CACNA1C: variants seen among roughly 807,000 people sequenced by gnomAD.
CACNA1C encodes calcium voltage-gated channel subunit alpha1 C.
CACNA1C carries 30 observed loss-of-function variants against 229.0 expected under a neutral mutation model. That is an observed-to-expected ratio of 0.13 (90% CI 0.10 to 0.18). The LOEUF is 0.18. CACNA1C is among the 10% of genes least tolerant of loss of function. The pLI is 1.00. For synonymous variants in CACNA1C, 1,114 were observed against 1,132.5 expected (o/e 0.98, Z 0.33); for missense variants, 1,658 against 2,845.0 (o/e 0.58, Z 9.49).
At chr12:2,640,921 G>A (rs2093617140) in intron 30 of CACNA1C, among the ~76,000 whole-genome samples, 1 of 152,228 alleles carries the variant, frequency 6.6e-6, no homozygotes, top group Non-Finnish European at 1.5e-5. Flanking sequence ...AGCTCAGCCT[G>A]CACGACTCCA....
intron 3 of CACNA1C, among the ~76,000 whole-genome samples, chr12:2,422,779 C>T (rs946214765): frequency 1.3e-5 from 2 of 152,088 alleles, no homozygotes; most frequent in Non-Finnish European, 2.9e-5. Context: ...GTTCTGCAGT[C>T]GTGTTGTGGC....
chr12:2,411,671 G>A (rs1398042103), intron 3 of CACNA1C, among the ~76,000 whole-genome samples: 2 of 152,186 alleles, frequency 1.3e-5, no homozygotes, highest in Non-Finnish European at 2.9e-5. Flanking sequence ...GGAGCCCAGA[G>A]GTTTCCAGGG....
Position 2,566,876 on chromosome 12 carries a change from A to C in CACNA1C, c.1669+294A>C, listed in dbSNP as rs532624758. Among the ~76,000 whole-genome samples the C allele has an allele frequency of 1.3e-5, 2 of 152,320 alleles. No homozygotes were observed. The highest frequency in any genetic ancestry group is 2.9e-5 in the Non-Finnish European group (2 of 68,026). ...GAAAGGGGCTGCAGCTTGTTTGCCT[A>C]TCTCAGACTCCTGGCTGCCAACTCC... On this transcript the variant is annotated intron_variant, in intron 12 of 46. Transcript: ENST00000399655. This position sits in a 1 kb window ranked among gnomAD's most constrained non-coding sequence, Gnocchi z 4.0.
intron 13 of CACNA1C, among the ~76,000 whole-genome samples, chr12:2,572,890 T>C (rs1383245810): frequency 1.9e-5 from 2 of 103,646 alleles, no homozygotes; most frequent in Non-Finnish European, 4.0e-5. Context: ...TCTCCTCTCC[T>C]CCTCTTCTTC....
chr12:2,312,029 C>G (rs935382985), intron 3 of CACNA1C, among the ~76,000 whole-genome samples: 1 of 152,158 alleles, frequency 6.6e-6, no homozygotes, highest in Admixed American at 6.5e-5. Flanking sequence ...TTTATTTCCC[C>G]CACGTAATAC....
In CACNA1C at chr12:2,607,364, T is replaced by G. The variant is rs528291858; in HGVS notation, c.3356+234T>G. On this transcript the variant is annotated intron_variant, in intron 26 of 46. Coordinates refer to ENST00000399655, the MANE Select transcript of CACNA1C (RefSeq NM_000719.7). ...AAACTCCCACCAAAAGTGACCTTTT[T>G]TTAGCCCTCTTTCCAACCTCAGCAT... The G allele has an allele frequency of 4.6e-5, 22 of 483,478 alleles. No homozygotes were observed. The Admixed American group carries it at 7.6e-4, about 17-fold the overall frequency. The allele number at this position is 483,478 out of a possible 1,614,324, so 29.9% of individuals were successfully genotyped here. A position where few individuals can be genotyped will look rare whatever the true frequency, so the allele number is the denominator to read the frequency against.
chr12:2,052,889 C>T, upstream of CACNA1C: 1 of 695,788 alleles, frequency 1.4e-6, no homozygotes, highest in Non-Finnish European at 1.7e-6. Context: ...CTGCCTCCGG[C>T]GCGCCGGGCG....
intron 3 of CACNA1C, among the ~76,000 whole-genome samples, chr12:2,124,707 G>T (rs912638818): frequency 7.2e-5 from 11 of 152,136 alleles, no homozygotes; most frequent in African/African-American, 2.7e-4. Flanking sequence ...TGCCTGGACG[G>T]GTAACCAGTT....
chr12:2,288,702 G>A (rs897188970), intron 3 of CACNA1C: 1 of 152,196 alleles, frequency 6.6e-6, no homozygotes, highest in African/African-American at 2.4e-5. Context: ...ATCTACAACA[G>A]CTATGAGGAA....
chr12:2,437,813 GTGGTGGTGGTAA>G lies in CACNA1C; in HGVS notation c.478-11148_478-11137del, dbSNP rs1312797004. 6.3e-4 allele frequency among the ~76,000 whole-genome samples: 95 copies of G among 150,484 alleles called. 1 individual carries two copies. The highest frequency in any genetic ancestry group is 3.5e-3 in the Middle Eastern group (1 of 286). ...GGTGGTGGTGGGGATGGTGATGATG[GTGGTGGTGGTAA>G]TGGTGGTGGTAATGATGGTGGTGAT... On this transcript the variant is annotated intron_variant, in intron 3 of 46. Transcript: ENST00000399655.
At chr12:2,291,539 T>C (rs2093507107) in intron 3 of CACNA1C, among the ~76,000 whole-genome samples, 1 of 152,192 alleles carries the variant, frequency 6.6e-6, no homozygotes, top group Admixed American at 6.5e-5. Context: ...GATGTTAGAG[T>C]CTGGAGCTTT....
At chr12:2,100,582 C>CGA (rs773969228) in intron 1 of CACNA1C, among the ~76,000 whole-genome samples, 26 of 66,472 alleles carry the variant, frequency 3.9e-4, no homozygotes, top group African/African-American at 1.3e-3. Context: ...CTGTTTCTAC[C>CGA]AAAAAAAAAA....
chr12:2,261,543 C>T (rs561490893), intron 3 of CACNA1C, among the ~76,000 whole-genome samples: 2 of 152,310 alleles, frequency 1.3e-5, no homozygotes, highest in East Asian at 3.9e-4. Context: ...AAAAAGGTCT[C>T]AGAGATCCTG....
chr12:2,301,664 G>C (rs2094569818), intron 3 of CACNA1C, among the ~76,000 whole-genome samples: 1 of 152,168 alleles, frequency 6.6e-6, no homozygotes, highest in South Asian at 2.1e-4. Flanking sequence ...TAGTCCCTGT[G>C]AATGTTCTGG....
chr12:2,183,576 A>ACCCC (rs113414207), intron 3 of CACNA1C, among the ~76,000 whole-genome samples: 6 of 147,366 alleles, frequency 4.1e-5, no homozygotes, highest in African/African-American at 1.5e-4. Flanking sequence ...CTGGGGACAG[A>ACCCC]CCCCCCCCCG....
intron 1 of CACNA1C, among the ~76,000 whole-genome samples, chr12:2,089,125 G>C (rs998456297): frequency 6.6e-6 from 1 of 152,046 alleles, no homozygotes; most frequent in Non-Finnish European, 1.5e-5. Context: ...TTCATGGTTC[G>C]TGCACACGTG....
chr12:2,425,021 G>C (rs1354824839), intron 3 of CACNA1C, among the ~76,000 whole-genome samples: 1 of 152,274 alleles, frequency 6.6e-6, no homozygotes, highest in African/African-American at 2.4e-5. Context: ...CCAGAGGTCT[G>C]GTCAGGGACT....
At position 2,577,895 on chromosome 12, in the gene CACNA1C, G is replaced by T. The variant is rs574092444; in HGVS notation, c.1896-3695G>T. ...CTTTTTTTTTTTTTTTTGAGACGGA[G>T]TCTCGCTCTGTCGCCCAGGCTGGAG... On this transcript the variant is annotated intron_variant, in intron 13 of 46. Transcript: ENST00000399655. Among the ~76,000 whole-genome samples the T allele has an allele frequency of 7.2e-4, 107 of 149,032 alleles. 2 individuals carry two copies. The South Asian group carries it at 0.014, about 20-fold the overall frequency.
chr12:2,264,101 C>T (rs1455369992), intron 3 of CACNA1C, among the ~76,000 whole-genome samples: 4 of 152,194 alleles, frequency 2.6e-5, no homozygotes, highest in African/African-American at 7.2e-5. Flanking sequence ...GTTGCACTCA[C>T]GGGTGGCAAG....
Sources: gnomAD v4.1 joint callset for allele counts (sites outside exome capture counted in the v4.1 genomes callset) on GRCh38, gnomAD v4.1.1 for gene constraint, Gnocchi (gnomAD v3.1) non-coding constraint, MANE v1.5 for transcripts, NCBI Gene and HGNC (gene_info 2026-07-23, HGNC 2026-07-21) for gene names.